Variants in KNTC1 observed in about 807,000 individuals in gnomAD.
KNTC1 encodes kinetochore-associated protein 1.
Under a neutral mutation model 314.4 loss-of-function variants are expected in KNTC1, and 253 were observed. The ratio of observed to expected loss-of-function variants is 0.80; its 90% CI spans 0.73 to 0.89. The LOEUF (loss-of-function observed/expected upper bound fraction) is 0.89. Among genes scored for constraint, KNTC1 ranks in the 40% least tolerant of loss-of-function variants. KNTC1 has a pLI of 0.00. For synonymous variants in KNTC1, 901 were observed against 901.4 expected (o/e 1.00, Z 0.01); for missense variants, 2,475 against 2,572.9 (o/e 0.96, Z 0.82).
intron 34 of KNTC1, among the ~76,000 whole-genome samples, chr12:122,583,250 C>T (rs1868710577): frequency 1.3e-5 from 2 of 151,862 alleles, no homozygotes; most frequent in Admixed American, 6.6e-5. Flanking sequence ...GCCGAGATCA[C>T]ACCACTGCAC....
At chr12:122,577,608 G>A in intron 30 of KNTC1, 64 bp from the exon 31 acceptor site, 1 of 1,479,374 alleles carries the variant, frequency 6.8e-7, no homozygotes, top group South Asian at 1.4e-5. Context: ...AAAGAAAGAG[G>A]TAAGGCCACA....
chr12:122,533,420 C>G (rs1961535021), intron 2 of KNTC1, among the ~76,000 whole-genome samples: 2 of 152,090 alleles, frequency 1.3e-5, no homozygotes, highest in Non-Finnish European at 2.9e-5. Context: ...GGAGGCTGGG[C>G]GCAGTGCCTC....
chr12:122,565,610 G>T (rs1347509238), intron 20 of KNTC1, among the ~76,000 whole-genome samples: 2 of 151,792 alleles, frequency 1.3e-5, no homozygotes, highest in African/African-American at 4.8e-5. Flanking sequence ...TTCTTGGCCG[G>T]GCACAGTGGT....
At chr12:122,545,840 A>G (rs910956129) in intron 8 of KNTC1, among the ~76,000 whole-genome samples, 1 of 151,738 alleles carries the variant, frequency 6.6e-6, no homozygotes, top group African/African-American at 2.4e-5. Flanking sequence ...AGTCCCAGCT[A>G]CTGGGGAGGC....
chr12:122,602,574 G>T lies in KNTC1; in HGVS notation c.4659G>T (p.Leu1553Phe). ...AGTTTTTTATTTTAATATAGGCATT[G>T]AGTATTCTGAAACATTTGAAGTCAT... ...KITNININQA[L>F]SILKHLKSYR... The change falls in exon 46 of 64, where the codon TTG becomes TTT. Residue 1553 changes from leucine (L) to phenylalanine (F), a missense_variant. Coordinates refer to ENST00000333479, the MANE Select transcript of KNTC1 (RefSeq NM_014708.6). The T allele has an allele frequency of 6.2e-7, 1 of 1,600,392 alleles. No individual in the cohort carries two copies.
At chr12:122,555,482 C>T (rs536094223) in intron 16 of KNTC1, among the ~76,000 whole-genome samples, 16 of 152,126 alleles carry the variant, frequency 1.1e-4, no homozygotes, top group Admixed American at 4.6e-4. Context: ...AATCAGAAGG[C>T]GGAGGTTGCA....
chr12:122,533,907 T>G (rs952503261), intron 2 of KNTC1, among the ~76,000 whole-genome samples: 1 of 152,156 alleles, frequency 6.6e-6, no homozygotes, highest in Non-Finnish European at 1.5e-5. Flanking sequence ...GTTTAATCTT[T>G]ATTCAGGTGA....
In KNTC1 at chr12:122,555,892, T is replaced by C. The variant is rs1963553667; in HGVS notation, c.1273-1492T>C. Among the ~76,000 whole-genome samples the C allele has an allele frequency of 3.3e-5, 5 of 152,246 alleles. No individual in the cohort carries two copies. In the Middle Eastern group the frequency reaches 0.014, roughly 414 times the overall value. ...AAAAACAAGAATGATTGTATATACT[T>C]TCGATGTGCAATGTGGTGATTTTAT... On this transcript the variant is annotated intron_variant, in intron 16 of 63. Transcript: ENST00000333479.
chr12:122,612,952 CAT>C, intron 53 of KNTC1, 158 bp from the exon 54 acceptor site: 1 of 592,266 alleles, frequency 1.7e-6, no homozygotes, highest in South Asian at 2.2e-5. Context: ...CCATGGACCA[CAT>C]GTTAAGAACC....
At chr12:122,564,036 G>A (rs1055070053) in intron 20 of KNTC1, among the ~76,000 whole-genome samples, 2 of 152,154 alleles carry the variant, frequency 1.3e-5, no homozygotes, top group African/African-American at 2.4e-5. Flanking sequence ...GGAGTCCAGC[G>A]ATGCTATCTT....
intron 18 of KNTC1, among the ~76,000 whole-genome samples, chr12:122,560,995 T>C (rs1593543122): frequency 6.6e-6 from 1 of 152,192 alleles, no homozygotes. Flanking sequence ...ATTAGTCTTA[T>C]GCCAAAGAAA....
chr12:122,537,775 T>A (rs1235381527), intron 3 of KNTC1, among the ~76,000 whole-genome samples: 1 of 152,134 alleles, frequency 6.6e-6, no homozygotes, highest in Non-Finnish European at 1.5e-5. Flanking sequence ...AATCTTTTGT[T>A]ACTGTTCTCA....
chr12:122,625,232 G>A (rs1334981734), intron 63 of KNTC1, among the ~76,000 whole-genome samples: 12 of 151,918 alleles, frequency 7.9e-5, no homozygotes, highest in Admixed American at 2.0e-4. Context: ...GTGAAACCCC[G>A]TCTCTACTAA....
Position 122,605,289 on chromosome 12 carries a change from T to C in KNTC1, c.5387-17T>C. On this transcript the variant is annotated splice_polypyrimidine_tract_variant and intron_variant, in intron 50 of 63. Coordinates refer to ENST00000333479, the MANE Select transcript of KNTC1 (RefSeq NM_014708.6). Reference sequence around the variant, plus strand: ...TTAAAACTTGAGTTTTTCTTTTCTTTATTTTGAATATCTTAGATATTCATG... The same window carrying C: ...TTAAAACTTGAGTTTTTCTTTTCTTCATTTTGAATATCTTAGATATTCATG... 6.7e-7 allele frequency: 1 copy of C among 1,488,302 alleles called. No homozygotes were observed. The highest frequency in any genetic ancestry group is 9.1e-7 in the Non-Finnish European group (1 of 1,095,328). The allele number at this position is 1,488,302 out of a possible 1,614,324, so 92.2% of individuals were successfully genotyped here.
At chr12:122,542,005 C>A in intron 5 of KNTC1, 45 bp from the exon 6 acceptor site, 1 of 1,476,406 alleles carries the variant, frequency 6.8e-7, no homozygotes, top group South Asian at 1.3e-5. Context: ...CAGAATGAGA[C>A]TCCATCTCAA....
intron 33 of KNTC1, among the ~76,000 whole-genome samples, chr12:122,581,224 GT>G (rs1175071142): frequency 1.4e-5 from 2 of 143,500 alleles, no homozygotes; most frequent in Non-Finnish European, 3.0e-5. Context: ...TTGAGATGGA[GT>G]TTTGCTCTTG....
intron 41 of KNTC1, 99 bp downstream of exon 41, chr12:122,590,834 A>T: frequency 9.0e-6 from 11 of 1,217,782 alleles, no homozygotes; most frequent in Non-Finnish European, 1.2e-5. Context: ...GATTTAGTAG[A>T]AGAAATGTTG....
chr12:122,556,438 T>C (rs10847179), intron 16 of KNTC1, among the ~76,000 whole-genome samples: 117,914 of 150,182 alleles, frequency 0.79, 46,768 homozygotes, highest in African/African-American at 0.89. Flanking sequence ...CTCTGTATCC[T>C]CCCGCCCCTT....
At chr12:122,552,057 A>G (rs1192343255) in intron 16 of KNTC1, among the ~76,000 whole-genome samples, 6 of 152,090 alleles carry the variant, frequency 3.9e-5, no homozygotes, top group African/African-American at 1.2e-4. Context: ...ATAGGCATGC[A>G]TCACCATGCC....
Sources: gnomAD v4.1 joint callset for allele counts (sites outside exome capture counted in the v4.1 genomes callset) on GRCh38, gnomAD v4.1.1 for gene constraint, MANE v1.5 for transcripts, NCBI Gene and HGNC (gene_info 2026-07-23, HGNC 2026-07-21) for gene names.